Variants in FMN2 observed in about 807,000 individuals in gnomAD.
The protein encoded by FMN2 is formin-2.
In FMN2, 51 loss-of-function variants were observed where a neutral mutation model predicts 142.3. The ratio of observed to expected loss-of-function variants is 0.36; its 90% confidence interval spans 0.29 to 0.45. The LOEUF (loss-of-function observed/expected upper bound fraction) is 0.45. Among genes scored for constraint, FMN2 ranks in the 20% least tolerant of loss-of-function variants. FMN2 has a pLI of 1.00. For synonymous variants in FMN2, 882 were observed against 869.8 expected, an observed-to-expected ratio of 1.01 and a Z score of -0.25; for missense variants, 1,936 against 2,122.8, an observed-to-expected ratio of 0.91 and a Z score of 1.73.
chr1:240,273,688 G>A (rs200760596), intron 7 of FMN2, among the ~76,000 whole-genome samples: 1 of 53,616 alleles, frequency 1.9e-5, no homozygotes, highest in African/African-American at 7.6e-5. Context: ...CACACAGGGA[G>A]GAAAAAGATG....
intron 14 of FMN2, among the ~76,000 whole-genome samples, chr1:240,390,605 A>G (rs1313808460): frequency 6.6e-6 from 1 of 152,230 alleles, no homozygotes; most frequent in Non-Finnish European, 1.5e-5. Context: ...ATTATGTATG[A>G]TATCACTTTA....
chr1:240,344,990 T>C (rs1030210786), intron 13 of FMN2, among the ~76,000 whole-genome samples: 1 of 152,222 alleles, frequency 6.6e-6, no homozygotes, highest in Non-Finnish European at 1.5e-5. Flanking sequence ...TCTACACATA[T>C]GTGATACAAG....
intron 14 of FMN2, among the ~76,000 whole-genome samples, chr1:240,380,808 A>C (rs1471176574): frequency 6.6e-6 from 1 of 152,040 alleles, no homozygotes. Context: ...ACAAAAAGTT[A>C]CCTCTTTGAA....
intron 6 of FMN2, among the ~76,000 whole-genome samples, chr1:240,240,988 C>G (rs1441931257): frequency 6.6e-6 from 1 of 152,106 alleles, no homozygotes; most frequent in Non-Finnish European, 1.5e-5. Context: ...TGCATATTTT[C>G]TTTTTGCTTT....
chr1:240,249,728 C>A (rs1668214214), intron 6 of FMN2, among the ~76,000 whole-genome samples: 1 of 152,072 alleles, frequency 6.6e-6, no homozygotes, highest in Non-Finnish European at 1.5e-5. Flanking sequence ...TTCTTCCTGT[C>A]CATGAGCATG....
chr1:240,279,920 A>G (rs556295351), intron 7 of FMN2, among the ~76,000 whole-genome samples: 29 of 152,292 alleles, frequency 1.9e-4, no homozygotes, highest in African/African-American at 7.0e-4. Context: ...AAATTATTCC[A>G]AAGGGAGGGT....
intron 2 of FMN2, among the ~76,000 whole-genome samples, chr1:240,145,640 G>C (rs1663428828): frequency 6.8e-6 from 1 of 146,230 alleles, no homozygotes; most frequent in African/African-American, 2.5e-5. Flanking sequence ...CTGTCGAGTA[G>C]CGAGGACCAC....
chr1:240,130,619 A>G (rs545153067), intron 2 of FMN2, among the ~76,000 whole-genome samples: 13 of 152,298 alleles, frequency 8.5e-5, no homozygotes, highest in Middle Eastern at 3.4e-3. Flanking sequence ...CTGTGTTTTT[A>G]GTAAACAATC....
intron 16 of FMN2, among the ~76,000 whole-genome samples, chr1:240,443,462 A>G (rs572109406): frequency 6.6e-6 from 1 of 152,320 alleles, no homozygotes; most frequent in East Asian, 1.9e-4. Context: ...GGTGGCTCAT[A>G]CCTGTAATGA....
At chr1:240,317,645 A>G (rs73124118) in intron 8 of FMN2, among the ~76,000 whole-genome samples, 15,672 of 152,110 alleles carry the variant, frequency 0.1, 983 homozygotes, top group African/African-American at 0.17. Flanking sequence ...TCTTTCACCT[A>G]CTGAAAGGCA....
At chr1:240,149,993 A>ACTG (rs1663697045) in intron 2 of FMN2, among the ~76,000 whole-genome samples, 1 of 152,176 alleles carries the variant, frequency 6.6e-6, no homozygotes, top group African/African-American at 2.4e-5. Flanking sequence ...GATATGTATA[A>ACTG]ATGCTAATGT....
intron 3 of FMN2, among the ~76,000 whole-genome samples, chr1:240,185,444 A>G (rs567161067): frequency 6.6e-6 from 1 of 152,316 alleles, no homozygotes; most frequent in East Asian, 1.9e-4. Context: ...TCAAACAAAT[A>G]AAAACTATAA....
At chr1:240,255,195 CTCT>C (rs1018221417) in intron 6 of FMN2, among the ~76,000 whole-genome samples, 8 of 152,302 alleles carry the variant, frequency 5.3e-5, no homozygotes, top group African/African-American at 1.7e-4. Flanking sequence ...CCCCACTTCC[CTCT>C]TCTTCTTTGC....
chr1:240,165,864 C>T (rs975180129), intron 2 of FMN2, among the ~76,000 whole-genome samples: 2 of 151,888 alleles, frequency 1.3e-5, no homozygotes, highest in Admixed American at 6.6e-5. Context: ...GATTCTAACC[C>T]CAAGTGAGAG....
chr1:240,345,735 G>A (rs922577483), intron 13 of FMN2, among the ~76,000 whole-genome samples: 6 of 151,844 alleles, frequency 4.0e-5, no homozygotes, highest in Non-Finnish European at 5.9e-5. Flanking sequence ...CACCTGCCTC[G>A]GCCTCCCAAA....
chr1:240,348,615 C>T (rs1467322399), intron 13 of FMN2, among the ~76,000 whole-genome samples: 1 of 151,552 alleles, frequency 6.6e-6, no homozygotes, highest in Non-Finnish European at 1.5e-5. Context: ...TAGGTTGGAG[C>T]CCTGTCAGGT....
At chr1:240,182,168 A>T (rs577072348) in intron 3 of FMN2, among the ~76,000 whole-genome samples, 2 of 152,340 alleles carry the variant, frequency 1.3e-5, no homozygotes, top group South Asian at 4.1e-4. Flanking sequence ...GCTCAATACC[A>T]AGTTTCAAAG....
intron 15 of FMN2, among the ~76,000 whole-genome samples, chr1:240,414,861 A>C (rs1016494914): frequency 1.3e-5 from 2 of 152,228 alleles, no homozygotes; most frequent in African/African-American, 4.8e-5. Context: ...ACCCAACTGT[A>C]ATAGTAAAGT....
chr1:240,206,233 T>C (rs1033298730), intron 4 of FMN2, among the ~76,000 whole-genome samples: 3 of 152,210 alleles, frequency 2.0e-5, no homozygotes, highest in Non-Finnish European at 4.4e-5. Flanking sequence ...TGTGGAGAAC[T>C]GTCAGTTATC....
Sources: allele counts gnomAD v4.1 joint callset (sites outside exome capture counted in the v4.1 genomes callset), GRCh38; gene constraint gnomAD v4.1.1; transcripts MANE v1.5; gene names NCBI Gene and HGNC (gene_info 2026-07-23, HGNC 2026-07-21).